PRKCZ: variants seen among roughly 807,000 people sequenced by gnomAD.
PRKCZ encodes protein kinase C zeta type.
Under a neutral mutation model 79.5 loss-of-function variants are expected in PRKCZ, and 33 were observed. The ratio of observed to expected loss-of-function variants is 0.41; its 90% confidence interval spans 0.31 to 0.55. The LOEUF (loss-of-function observed/expected upper bound fraction) is 0.55. PRKCZ is among the 20% of genes least tolerant of loss of function. The probability of loss-of-function intolerance (pLI) is 0.19; values close to 1 mark genes in which losing one functional copy is unlikely to be tolerated. For synonymous variants in PRKCZ, 342 were observed against 320.9 expected (o/e 1.07, Z -0.70); for missense variants, 578 against 813.5 (o/e 0.71, Z 3.52).
intron 4 of PRKCZ, among the ~76,000 whole-genome samples, chr1:2,089,411 G>C (rs1209552487): frequency 1.3e-5 from 2 of 152,158 alleles, no homozygotes; most frequent in Admixed American, 1.3e-4. Flanking sequence ...ATTTGCTTCA[G>C]CCTCTGTGAG....
chr1:2,139,235 C>T (rs530901538), intron 5 of PRKCZ, among the ~76,000 whole-genome samples: 2 of 152,266 alleles, frequency 1.3e-5, no homozygotes, highest in East Asian at 1.9e-4. Flanking sequence ...GACAGCATGA[C>T]CTCCACAGGT....
chr1:2,057,698 C>T (rs962486970), intron 3 of PRKCZ, among the ~76,000 whole-genome samples: 3 of 151,960 alleles, frequency 2.0e-5, no homozygotes, highest in East Asian at 1.9e-4. Context: ...AGACCCCCCC[C>T]TCTCCAAAAC....
At chr1:2,053,240 AC>A (rs1307168281) in intron 1 of PRKCZ, among the ~76,000 whole-genome samples, 2 of 151,882 alleles carry the variant, frequency 1.3e-5, no homozygotes, top group Non-Finnish European at 2.9e-5. Context: ...ATCTAGGACT[AC>A]AGACGCCCGC....
chr1:2,145,302 A>T (rs2503705), intron 6 of PRKCZ: 2 of 151,994 alleles, frequency 1.3e-5, no homozygotes, highest in South Asian at 4.1e-4. Context: ...CCAGCTGACC[A>T]CCAGTACTGG....
chr1:2,146,827 G>A (rs1297380823), intron 7 of PRKCZ, among the ~76,000 whole-genome samples: 1 of 151,978 alleles, frequency 6.6e-6, no homozygotes, highest in African/African-American at 2.4e-5. Context: ...ACAAACAACT[G>A]CCTGCCCACC....
At chr1:2,055,691 G>T in intron 2 of PRKCZ, 129 bp downstream of exon 2, 1 of 1,370,156 alleles carries the variant, frequency 7.3e-7, no homozygotes, top group Non-Finnish European at 9.7e-7. Flanking sequence ...ACTTGTTGGC[G>T]CCAACTTTTC....
intron 4 of PRKCZ, among the ~76,000 whole-genome samples, chr1:2,104,388 TG>T (rs1214179834): frequency 6.6e-5 from 10 of 152,144 alleles, no homozygotes; most frequent in African/African-American, 2.4e-4. Context: ...CGCCAGTGCT[TG>T]CCCCAGAGCT....
At position 2,059,940 on chromosome 1, in the gene PRKCZ, C is replaced by T. The variant is rs1202674868; in HGVS notation, c.334+349C>T. ...CCACCCCTAGGCCAGTCGTCTGCTC[C>T]TCCTGGTCCCTGCTGGCCCCTGAGC... is the stretch of plus-strand genomic sequence containing the variant. On this transcript the variant is annotated intron_variant, in intron 4 of 17. Transcript: ENST00000378567. 2.0e-5 allele frequency among the ~76,000 whole-genome samples: 3 copies of T among 152,320 alleles called. No homozygotes were observed. The East Asian group carries it at 5.8e-4, about 29-fold the overall frequency.
chr1:2,103,639 A>T (rs1272899111), intron 4 of PRKCZ, among the ~76,000 whole-genome samples: 1 of 152,194 alleles, frequency 6.6e-6, no homozygotes, highest in East Asian at 1.9e-4. Context: ...CCTAGCTACG[A>T]GGGAGGATCG....
At chr1:2,104,617 C>T (rs1005450978) in intron 4 of PRKCZ, 139 of 939,332 alleles carry the variant, frequency 1.5e-4, no homozygotes, top group Non-Finnish European at 1.7e-4. Context: ...CGATGAGGCC[C>T]TGGGGTGGAG....
intron 4 of PRKCZ, chr1:2,073,622 G>A (rs1217373032): frequency 1.4e-5 from 14 of 989,156 alleles, no homozygotes; most frequent in African/African-American, 1.7e-5. Flanking sequence ...TGACGTCAGC[G>A]TCAGCTCCTG....
Position 2,146,039 on chromosome 1 carries a change from C to G in PRKCZ, c.565C>G (p.Pro189Ala). ...GTCTCTCCGGCAGGATTCTGTCATG[C>G]CTTCCCAAGAGCCTCCAGTAGACGA... ...TCRKHMDSVM[P>A]SQEPPVDDKN... The change falls in exon 7 of 18, where the codon CCT becomes GCT. Residue 189 changes from proline to alanine, a missense_variant. Around this residue, in one of 4 missense-constraint regions of PRKCZ, gnomAD observed 91 missense variants for 97.5 expected, o/e 0.93. Transcript: ENST00000378567. 2 of 1,613,726 alleles carry G rather than the reference C, an allele frequency of 1.2e-6. No individual in the cohort carries two copies. The highest frequency in any genetic ancestry group is 1.7e-6 in the Non-Finnish European group (2 of 1,179,596).
At chr1:2,108,448 G>A (rs922594205) in intron 4 of PRKCZ, among the ~76,000 whole-genome samples, 18 of 152,246 alleles carry the variant, frequency 1.2e-4, no homozygotes, top group African/African-American at 3.9e-4. Context: ...GCGTGGGGCC[G>A]TGGCGGCTCC....
chr1:2,089,994 C>T (rs748436745), intron 4 of PRKCZ, among the ~76,000 whole-genome samples: 5 of 152,188 alleles, frequency 3.3e-5, no homozygotes, highest in African/African-American at 4.8e-5. Flanking sequence ...GTGAGGAGCC[C>T]GGGCCAGGCC....
intron 16 of PRKCZ, among the ~76,000 whole-genome samples, chr1:2,176,844 A>G (rs1572022758): frequency 6.6e-6 from 1 of 152,118 alleles, no homozygotes; most frequent in Admixed American, 6.5e-5. Flanking sequence ...ACGTGCCCAC[A>G]CCCCTTCCTA....
At chr1:2,179,131 C>T (rs1027874822) in intron 16 of PRKCZ, among the ~76,000 whole-genome samples, 3 of 152,220 alleles carry the variant, frequency 2.0e-5, no homozygotes. Context: ...CTGCCTTGCC[C>T]CTGCACTGGG....
chr1:2,095,044 C>T (rs532832982), intron 4 of PRKCZ, among the ~76,000 whole-genome samples: 8 of 152,286 alleles, frequency 5.3e-5, no homozygotes, highest in Admixed American at 3.9e-4. Flanking sequence ...TGTGCTGCTC[C>T]GCCACACCCC....
intron 4 of PRKCZ, among the ~76,000 whole-genome samples, chr1:2,089,128 C>T (rs1234657082): frequency 6.6e-6 from 1 of 152,224 alleles, no homozygotes; most frequent in African/African-American, 2.4e-5. Context: ...GTGGAGCTTA[C>T]TGCAGTAGAG....
At chr1:2,155,532 AATGGTG>A (rs773492780) in intron 9 of PRKCZ, among the ~76,000 whole-genome samples, 164 of 133,248 alleles carry the variant, frequency 1.2e-3, no homozygotes, top group Non-Finnish European at 2.0e-3. Context: ...AGATGGTGCC[AATGGTG>A]ATGGTGGTGG....
Sources: gnomAD v4.1 joint callset for allele counts (sites outside exome capture counted in the v4.1 genomes callset) on GRCh38, gnomAD v4.1.1 for gene constraint, gnomAD v4.1.1 regional missense constraint, MANE v1.5 for transcripts, NCBI Gene and HGNC (gene_info 2026-07-23, HGNC 2026-07-21) for gene names.